PRDM11: variants seen among roughly 807,000 people sequenced by gnomAD.
PRDM11 encodes PR/SET domain 11, also known as PR domain-containing protein 11.
PRDM11 carries 20 observed loss-of-function variants against 97.8 expected under a neutral mutation model. The ratio of observed to expected loss-of-function variants is 0.20; its 90% CI spans 0.14 to 0.30. The LOEUF is 0.30. Among genes scored for constraint, PRDM11 ranks in the 10% least tolerant of loss-of-function variants. The pLI, the probability that PRDM11 is intolerant of heterozygous loss-of-function variation, is 1.00. For missense variants in PRDM11, 1,139 were observed against 1,555.2 expected (o/e 0.73, Z 4.50); for synonymous variants, 599 against 637.7 (o/e 0.94, Z 0.91).
intron 5 of PRDM11, among the ~76,000 whole-genome samples, chr11:45,217,705 C>G (rs1392348302): frequency 6.6e-6 from 1 of 152,206 alleles, no homozygotes; most frequent in Non-Finnish European, 1.5e-5. Flanking sequence ...ATGAGCAAGG[C>G]AGGATATAGA....
chr11:45,184,676 T>C (rs1412745166), intron 4 of PRDM11, among the ~76,000 whole-genome samples: 1 of 151,578 alleles, frequency 6.6e-6, no homozygotes, highest in African/African-American at 2.4e-5. Flanking sequence ...GGGACTGGGT[T>C]GAGGGAAAAA....
intron 1 of PRDM11, among the ~76,000 whole-genome samples, chr11:45,168,499 T>C (rs1370261500): frequency 2.0e-5 from 3 of 152,124 alleles, no homozygotes; most frequent in African/African-American, 7.2e-5. Context: ...TGGGTTCCTG[T>C]CTCCCTCTGC....
chr11:45,132,779 G>A (rs1852747559), intron 1 of PRDM11, among the ~76,000 whole-genome samples: 1 of 152,170 alleles, frequency 6.6e-6, no homozygotes, highest in Admixed American at 6.5e-5. Context: ...CTTACTCAAG[G>A]TCACCCAGCT....
intron 1 of PRDM11, among the ~76,000 whole-genome samples, chr11:45,149,470 G>T (rs1484263301): frequency 6.6e-6 from 1 of 152,196 alleles, no homozygotes; most frequent in Non-Finnish European, 1.5e-5. Context: ...TTAGCAAAGG[G>T]CACAGTGGGA....
chr11:45,193,217 C>G (rs1852977278), intron 4 of PRDM11, among the ~76,000 whole-genome samples: 1 of 152,232 alleles, frequency 6.6e-6, no homozygotes, highest in African/African-American at 2.4e-5. Flanking sequence ...GCTGCGATCA[C>G]AGGAGTGTGC....
intron 1 of PRDM11, among the ~76,000 whole-genome samples, chr11:45,110,570 G>T (rs983575832): frequency 8.5e-5 from 13 of 152,206 alleles, no homozygotes; most frequent in African/African-American, 3.1e-4. Context: ...TGACCTGGGG[G>T]CTAAAGTGCC....
intron 1 of PRDM11, among the ~76,000 whole-genome samples, chr11:45,132,520 A>G (rs1852743884): frequency 6.6e-6 from 1 of 152,250 alleles, no homozygotes; most frequent in South Asian, 2.1e-4. Flanking sequence ...TAAAAATAAA[A>G]GGGAGCTTGC....
chr11:45,202,021 C>T (rs1004626258), intron 4 of PRDM11, among the ~76,000 whole-genome samples: 9 of 152,098 alleles, frequency 5.9e-5, no homozygotes, highest in African/African-American at 2.2e-4. Flanking sequence ...GTTGCCCAGG[C>T]TTGTCTCAAA....
At chr11:45,144,676 G>A (rs868514467), upstream of PRDM11, among the ~76,000 whole-genome samples, 3 of 152,178 alleles carry the variant, frequency 2.0e-5, no homozygotes, top group Non-Finnish European at 4.4e-5. Context: ...CCCTGGGTAC[G>A]TTGACGCCTC....
At chr11:45,218,869 G>C (rs953447941) in intron 5 of PRDM11, among the ~76,000 whole-genome samples, 1 of 152,246 alleles carries the variant, frequency 6.6e-6, no homozygotes, top group African/African-American at 2.4e-5. Context: ...TGGGAAACGT[G>C]CATAGGACTC....
At chr11:45,213,188 C>T (rs567416386) in intron 5 of PRDM11, 7 of 456,660 alleles carry the variant, frequency 1.5e-5, no homozygotes, top group Middle Eastern at 3.3e-4. Context: ...GAGCGCAGGT[C>T]GCTGCCCTGT....
At chr11:45,104,108 G>A (rs1018999846) in intron 1 of PRDM11, among the ~76,000 whole-genome samples, 3 of 152,232 alleles carry the variant, frequency 2.0e-5, no homozygotes, top group Admixed American at 1.3e-4. Flanking sequence ...AGGATAGGCT[G>A]AGCAGGGCCC....
At chr11:45,170,234 T>A (rs1266381238) in intron 1 of PRDM11, among the ~76,000 whole-genome samples, 2 of 151,872 alleles carry the variant, frequency 1.3e-5, no homozygotes, top group Non-Finnish European at 2.9e-5. Context: ...TCCCAGCTAC[T>A]AGGAAGGCTG....
intron 1 of PRDM11, among the ~76,000 whole-genome samples, chr11:45,107,260 C>T (rs1351714993): frequency 1.3e-5 from 2 of 152,222 alleles, no homozygotes; most frequent in African/African-American, 4.8e-5. Flanking sequence ...CCGGGCTCCA[C>T]ACTGGTCTCC....
At chr11:45,145,391 A>T (rs1851483862), upstream of PRDM11, among the ~76,000 whole-genome samples, 1 of 152,152 alleles carries the variant, frequency 6.6e-6, no homozygotes, top group Non-Finnish European at 1.5e-5. Flanking sequence ...TCCAAAAGCC[A>T]TGAGCACCCC....
intron 1 of PRDM11, among the ~76,000 whole-genome samples, chr11:45,106,243 G>C (rs527421496): frequency 6.6e-6 from 1 of 152,244 alleles, no homozygotes; most frequent in East Asian, 1.9e-4. Context: ...GCTTCCAGGG[G>C]CTCAGCAGTT....
intron 1 of PRDM11, among the ~76,000 whole-genome samples, chr11:45,112,035 A>G (rs930783736): frequency 6.6e-6 from 1 of 152,116 alleles, no homozygotes; most frequent in Non-Finnish European, 1.5e-5. Context: ...CTGAGATTTT[A>G]GTGCACCGGT....
At chr11:45,098,182 C>A (rs545786717) in intron 1 of PRDM11, among the ~76,000 whole-genome samples, 1 of 152,296 alleles carries the variant, frequency 6.6e-6, no homozygotes, top group East Asian at 1.9e-4. Context: ...GGGATGGCCT[C>A]GTTCCCCTCA....
intron 1 of PRDM11, among the ~76,000 whole-genome samples, chr11:45,106,599 G>T (rs1852065372): frequency 6.6e-6 from 1 of 152,164 alleles, no homozygotes; most frequent in Admixed American, 6.5e-5. Context: ...GCGCCGGCTG[G>T]AAGATTAAGG....
Sources: allele counts gnomAD v4.1 joint callset (sites outside exome capture counted in the v4.1 genomes callset), GRCh38; gene constraint gnomAD v4.1.1; transcripts MANE v1.5; gene names NCBI Gene and HGNC (gene_info 2026-07-23, HGNC 2026-07-21).